GALNTL6: variants seen among roughly 807,000 people sequenced by gnomAD.
The protein encoded by GALNTL6 is polypeptide N-acetylgalactosaminyltransferase-like 6.
GALNTL6 carries 46 observed loss-of-function variants against 73.7 expected under a neutral mutation model. The observed-to-expected ratio is 0.62, with a 90% confidence interval of 0.49 to 0.80. The LOEUF (loss-of-function observed/expected upper bound fraction) is 0.80. Ranked by LOEUF, GALNTL6 falls within the 30% of genes least tolerant of loss-of-function variation. The pLI is 0.00. For synonymous variants in GALNTL6, 259 were observed against 263.7 expected (o/e 0.98, Z 0.17); for missense variants, 604 against 755.0 (o/e 0.80, Z 2.34).
chr4:172,337,689 T>C (rs1202105565), intron 4 of GALNTL6, among the ~76,000 whole-genome samples: 4 of 133,274 alleles, frequency 3.0e-5, no homozygotes, highest in Non-Finnish European at 4.9e-5. Flanking sequence ...TACCCGTCTT[T>C]AAGGTTTTTT....
chr4:172,604,858 CA>C (rs1253231353), intron 5 of GALNTL6, among the ~76,000 whole-genome samples: 3 of 152,158 alleles, frequency 2.0e-5, no homozygotes, highest in Non-Finnish European at 1.5e-5. Flanking sequence ...CCATGGACTT[CA>C]TACATCAGTC....
intron 5 of GALNTL6, among the ~76,000 whole-genome samples, chr4:172,796,719 A>T (rs1344180111): frequency 6.6e-6 from 1 of 152,216 alleles, no homozygotes; most frequent in Non-Finnish European, 1.5e-5. Context: ...AATTTTATCA[A>T]CAAGGGCAGA....
At chr4:172,411,541 A>G (rs927916573) in intron 5 of GALNTL6, among the ~76,000 whole-genome samples, 1 of 152,204 alleles carries the variant, frequency 6.6e-6, no homozygotes. Context: ...CACATATTAC[A>G]TGGAAGACCA....
intron 5 of GALNTL6, among the ~76,000 whole-genome samples, chr4:172,536,024 T>C (rs1253924531): frequency 9.2e-5 from 14 of 152,174 alleles, no homozygotes; most frequent in Admixed American, 9.2e-4. Context: ...GCTGTTCTCA[T>C]GATAGTGAGT....
At chr4:172,656,623 T>G (rs903316901) in intron 5 of GALNTL6, among the ~76,000 whole-genome samples, 23 of 152,194 alleles carry the variant, frequency 1.5e-4, no homozygotes, top group African/African-American at 5.5e-4. Context: ...CACACATATT[T>G]TACTGCTTTA....
chr4:172,949,535 G>T (rs1315223911), intron 9 of GALNTL6, among the ~76,000 whole-genome samples: 1 of 152,086 alleles, frequency 6.6e-6, no homozygotes, highest in African/African-American at 2.4e-5. Context: ...GGGAAAAGAT[G>T]GTAACTACAG....
chr4:172,429,670 C>G (rs1731367978), intron 5 of GALNTL6, among the ~76,000 whole-genome samples: 1 of 152,116 alleles, frequency 6.6e-6, no homozygotes, highest in South Asian at 2.1e-4. Context: ...CACAGAATTT[C>G]ATAATGTAAC....
chr4:172,060,924 A>C (rs1369884662), intron 2 of GALNTL6, among the ~76,000 whole-genome samples: 3 of 152,194 alleles, frequency 2.0e-5, no homozygotes, highest in African/African-American at 7.2e-5. Context: ...ACCATATTAC[A>C]TGGGCTCTAA....
At chr4:172,271,446 C>CAT (rs764830216) in intron 3 of GALNTL6, among the ~76,000 whole-genome samples, 2 of 151,760 alleles carry the variant, frequency 1.3e-5, no homozygotes, top group South Asian at 2.1e-4. Flanking sequence ...CATATACATA[C>CAT]ATATATATAT....
intron 7 of GALNTL6, among the ~76,000 whole-genome samples, chr4:172,835,456 G>A (rs1742861384): frequency 6.6e-6 from 1 of 152,220 alleles, no homozygotes. Context: ...TAACAGTCTT[G>A]GCTCCATGGG....
At chr4:172,074,290 A>G (rs1731637744) in intron 2 of GALNTL6, among the ~76,000 whole-genome samples, 1 of 152,234 alleles carries the variant, frequency 6.6e-6, no homozygotes, top group Non-Finnish European at 1.5e-5. Context: ...GGTATCATTG[A>G]GTATTGCAAT....
At chr4:172,673,856 T>C (rs952173040) in intron 5 of GALNTL6, among the ~76,000 whole-genome samples, 1 of 152,242 alleles carries the variant, frequency 6.6e-6, no homozygotes, top group Non-Finnish European at 1.5e-5. Context: ...TTTGAGCTTA[T>C]GTGTGTCATT....
intron 4 of GALNTL6, among the ~76,000 whole-genome samples, chr4:172,313,661 A>G (rs140137859): frequency 4.4e-4 from 67 of 152,334 alleles, no homozygotes; most frequent in African/African-American, 1.5e-3. Flanking sequence ...TCAATTTACA[A>G]TATGAAGAAA....
chr4:173,019,452 T>C (rs977875114), intron 11 of GALNTL6, among the ~76,000 whole-genome samples: 1 of 152,184 alleles, frequency 6.6e-6, no homozygotes, highest in African/African-American at 2.4e-5. Context: ...GAGACAGTTA[T>C]AGGACAACAG....
chr4:172,949,133 C>G, intron 9 of GALNTL6, among the ~76,000 whole-genome samples: 1 of 152,296 alleles, frequency 6.6e-6, no homozygotes, highest in Middle Eastern at 3.4e-3. Flanking sequence ...TAGATACATA[C>G]GCACACTATG....
intron 2 of GALNTL6, among the ~76,000 whole-genome samples, chr4:172,114,236 A>G (rs535508654): frequency 6.6e-6 from 1 of 152,194 alleles, no homozygotes; most frequent in South Asian, 2.1e-4. Flanking sequence ...GTCAAATTTA[A>G]AACAGGCATT....
At chr4:172,590,719 G>A (rs777922670) in intron 5 of GALNTL6, among the ~76,000 whole-genome samples, 1 of 152,116 alleles carries the variant, frequency 6.6e-6, no homozygotes, top group Non-Finnish European at 1.5e-5. Flanking sequence ...TACATACAAA[G>A]AGTAAATGCC....
At chr4:172,026,813 T>C (rs1741601689) in intron 2 of GALNTL6, among the ~76,000 whole-genome samples, 1 of 152,178 alleles carries the variant, frequency 6.6e-6, no homozygotes, top group South Asian at 2.1e-4. Context: ...CTGTTACCTA[T>C]ATAAAACATA....
Position 172,462,594 on chromosome 4 carries a change from A to G in GALNTL6, c.553+113905A>G, listed in dbSNP as rs1285099703. The stretch of plus-strand genomic sequence containing the variant: ...CAAATGATTTTATCTATACAGCTCC[A>G]TCAGTATAACTGCTTATTTAAAACA... On this transcript the variant is annotated intron_variant, in intron 5 of 12. Coordinates refer to ENST00000506823, the MANE Select transcript of GALNTL6 (RefSeq NM_001034845.3). Among the ~76,000 whole-genome samples the G allele has an allele frequency of 6.6e-5, 10 of 152,316 alleles. No homozygotes were observed. In the South Asian group the frequency reaches 1.2e-3, roughly 19 times the overall value.
Sources: allele counts gnomAD v4.1 joint callset (sites outside exome capture counted in the v4.1 genomes callset), GRCh38; gene constraint gnomAD v4.1.1; transcripts MANE v1.5; gene names NCBI Gene and HGNC (gene_info 2026-07-23, HGNC 2026-07-21).